The following RIC8B variants were observed in gnomAD, a reference collection of about 807,000 sequenced individuals.
The protein encoded by RIC8B is chaperone Ric-8B.
RIC8B carries 16 observed loss-of-function variants against 57.5 expected under a neutral mutation model. The ratio of observed to expected loss-of-function variants is 0.28; its 90% CI spans 0.19 to 0.42. The LOEUF is 0.42. RIC8B is among the 10% of genes least tolerant of loss of function. RIC8B has a pLI of 1.00. For synonymous variants in RIC8B, 216 were observed against 250.8 expected (o/e 0.86, Z 1.31); for missense variants, 481 against 677.0 (o/e 0.71, Z 3.21).
intron 7 of RIC8B, among the ~76,000 whole-genome samples, chr12:106,854,040 G>A (rs1949608020): frequency 6.6e-6 from 1 of 152,116 alleles, no homozygotes; most frequent in African/African-American, 2.4e-5. Flanking sequence ...TCACTGTTGG[G>A]GAGACAATTG....
At chr12:106,825,221 A>T (rs2046041985) in intron 3 of RIC8B, among the ~76,000 whole-genome samples, 2 of 152,176 alleles carry the variant, frequency 1.3e-5, no homozygotes, top group South Asian at 4.1e-4. Context: ...ATGAGTAAAC[A>T]TTGGAGATCA....
chr12:106,814,924 C>T lies in RIC8B; in HGVS notation c.361C>T (p.Leu121=). ...FPVIVESLKC[L]CNIVFNSQMA... is the part of the protein sequence containing the mutation. Reference sequence around the variant, plus strand: ...AGTTATTGTGGAGTCATTAAAATGTCTGTGTAATATAGTGTTCAACAGTCA... The same window carrying T: ...AGTTATTGTGGAGTCATTAAAATGTTTGTGTAATATAGTGTTCAACAGTCA... The change falls in exon 3 of 10, where the codon CTG becomes TTG. Residue 121 remains leucine (L), a synonymous_variant. Transcript: ENST00000392837. 1 of 1,614,146 alleles carries T rather than the reference C, an allele frequency of 6.2e-7. No individual in the cohort carries two copies. The highest frequency in any genetic ancestry group is 8.5e-7 in the Non-Finnish European group (1 of 1,180,030).
At chr12:106,874,387 G>A (rs1396809076) in intron 9 of RIC8B, 1 of 933,428 alleles carries the variant, frequency 1.1e-6, no homozygotes, top group Non-Finnish European at 1.7e-6. Flanking sequence ...GTTTTCTCCT[G>A]CACCTGAATT....
At position 106,860,328 on chromosome 12, in the gene RIC8B, G is replaced by A. The variant is rs142418943; in HGVS notation, c.1367G>A (p.Gly456Asp). 8 of 1,608,774 alleles carry A rather than the reference G, an allele frequency of 5.0e-6. No individual in the cohort carries two copies. The Middle Eastern group carries it at 1.2e-3, about 233-fold the overall frequency. The change falls in exon 8 of 10, where the codon GGC becomes GAC. Residue 456 changes from glycine (G) to aspartate (D), a missense_variant. This residue lies in a region of RIC8B where 421 missense variants were observed against 560.9 expected (regional missense o/e 0.75). Coordinates refer to ENST00000392837, the MANE Select transcript of RIC8B (RefSeq NM_001330145.2). ...GCTGCAGGACTGTTGGCGGCCAGGG[G>A]CCTCTTGGCTGGAGGAAGAGGAGAT... ...GNAAGLLAAR[G>D]LLAGGRGDNW...
At chr12:106,810,792 C>T (rs1330993606) in intron 2 of RIC8B, among the ~76,000 whole-genome samples, 2 of 152,132 alleles carry the variant, frequency 1.3e-5, no homozygotes. Context: ...TGACATTTTA[C>T]CTTATAATAA....
At chr12:106,792,281 A>C (rs1404638435) in intron 2 of RIC8B, among the ~76,000 whole-genome samples, 1 of 152,200 alleles carries the variant, frequency 6.6e-6, no homozygotes. Flanking sequence ...TTCCACTTTT[A>C]GTTTTAGATG....
chr12:106,783,824 A>G (rs2043875710), intron 1 of RIC8B, among the ~76,000 whole-genome samples, 173 bp from the exon 2 acceptor site: 1 of 152,126 alleles, frequency 6.6e-6, no homozygotes. Context: ...GTCTTTTCAC[A>G]CTGCTTTATA....
At chr12:106,870,093 AG>A (rs1950336223) in intron 8 of RIC8B, among the ~76,000 whole-genome samples, 1 of 151,936 alleles carries the variant, frequency 6.6e-6, no homozygotes. Context: ...AAAAAAAAAA[AG>A]TATGGCTTTT....
chr12:106,822,645 C>T (rs1243747110), intron 3 of RIC8B: 2 of 152,166 alleles, frequency 1.3e-5, no homozygotes, highest in Admixed American at 6.5e-5. Context: ...TTGTGTAATA[C>T]AATATTACAT....
At chr12:106,875,995 G>A (rs901905514) in intron 9 of RIC8B, among the ~76,000 whole-genome samples, 1 of 152,034 alleles carries the variant, frequency 6.6e-6, no homozygotes, top group East Asian at 1.9e-4. Flanking sequence ...AAATATCAAC[G>A]ACTGTGATTA....
intron 4 of RIC8B, among the ~76,000 whole-genome samples, chr12:106,832,989 T>G (rs1465292556): frequency 2.0e-5 from 3 of 152,166 alleles, no homozygotes; most frequent in Non-Finnish European, 2.9e-5. Flanking sequence ...TGCTGAGATC[T>G]ATCCCTTTTG....
chr12:106,820,742 A>G (rs550228338), intron 3 of RIC8B, among the ~76,000 whole-genome samples: 1 of 152,306 alleles, frequency 6.6e-6, no homozygotes, highest in African/African-American at 2.4e-5. Context: ...GAAGTTAATT[A>G]GGAATGTCAC....
In RIC8B at chr12:106,862,571, G is replaced by C. The variant is rs537329151; in HGVS notation, c.1451+2159G>C. Among the ~76,000 whole-genome samples the C allele has an allele frequency of 8.5e-5, 13 of 152,160 alleles. No homozygotes were observed. In the South Asian group the frequency reaches 2.7e-3, roughly 32 times the overall value. On this transcript the variant is annotated intron_variant, in intron 8 of 9. Transcript: ENST00000392837. The stretch of plus-strand genomic sequence containing the variant: ...TATAAAGTCAGCATCTGAAAGGATT[G>C]CTTACTCCCCTACACCTGAATACCA...
At chr12:106,859,665 A>G (rs548028708) in intron 7 of RIC8B, among the ~76,000 whole-genome samples, 1 of 152,294 alleles carries the variant, frequency 6.6e-6, no homozygotes, top group Non-Finnish European at 1.5e-5. Context: ...TGGTAGAGCC[A>G]GTATTGAAAT....
At chr12:106,815,929 A>G (rs945116644) in intron 3 of RIC8B, among the ~76,000 whole-genome samples, 1 of 152,220 alleles carries the variant, frequency 6.6e-6, no homozygotes, top group African/African-American at 2.4e-5. Flanking sequence ...ACTTATTTCT[A>G]AACAAAGATC....
At chr12:106,795,311 G>A (rs868745876) in intron 2 of RIC8B, among the ~76,000 whole-genome samples, 1 of 152,102 alleles carries the variant, frequency 6.6e-6, no homozygotes, top group Non-Finnish European at 1.5e-5. Flanking sequence ...GTCTTCTCAC[G>A]CCAAGACAAT....
intron 4 of RIC8B, among the ~76,000 whole-genome samples, chr12:106,837,918 A>G (rs926280970): frequency 0.011 from 1 of 92 alleles, no homozygotes; most frequent in African/African-American, 0.062. Flanking sequence ...CTGAGATTAC[A>G]GGCGTGAGCA....
chr12:106,816,358 A>G (rs1296539285), intron 3 of RIC8B, among the ~76,000 whole-genome samples: 1 of 152,168 alleles, frequency 6.6e-6, no homozygotes, highest in Non-Finnish European at 1.5e-5. Context: ...TAAAGCGCAA[A>G]TAGATCTGTA....
intron 2 of RIC8B, among the ~76,000 whole-genome samples, chr12:106,803,459 T>C (rs1478727123): frequency 6.6e-6 from 1 of 152,178 alleles, no homozygotes; most frequent in East Asian, 1.9e-4. Context: ...ACTGTAGTTA[T>C]CCTAGGTTAC....
Sources: gnomAD v4.1 joint callset for allele counts (sites outside exome capture counted in the v4.1 genomes callset) on GRCh38, gnomAD v4.1.1 for gene constraint, gnomAD v4.1.1 regional missense constraint, MANE v1.5 for transcripts, NCBI Gene and HGNC (gene_info 2026-07-23, HGNC 2026-07-21) for gene names.